Variants in AGMO observed in about 807,000 individuals in gnomAD.
AGMO encodes alkylglycerol monooxygenase.
In AGMO, 75 loss-of-function variants were observed where a neutral mutation model predicts 60.2. That is an observed-to-expected ratio of 1.25 (90% CI 1.03 to 1.51). The LOEUF is 1.51. Among genes scored for constraint, AGMO ranks in the 40% most tolerant of loss-of-function variants. The pLI, the probability that AGMO is intolerant of heterozygous loss-of-function variation, is 0.00. For missense variants in AGMO, 763 were observed against 525.5 expected (o/e 1.45, Z -4.42); for synonymous variants, 261 against 177.1 (o/e 1.47, Z -3.76).
intron 2 of AGMO, 38 bp from the exon 3 acceptor site, chr7:15,544,961 T>C (rs747410120): frequency 1.4e-6 from 2 of 1,385,476 alleles, no homozygotes. Flanking sequence ...TTATATAACA[T>C]TTTAGAAAAA....
chr7:15,314,795 A>T (rs1780867622), intron 12 of AGMO, among the ~76,000 whole-genome samples: 1 of 152,112 alleles, frequency 6.6e-6, no homozygotes, highest in South Asian at 2.1e-4. Context: ...GATCATCCTA[A>T]ATTATCTAGG....
chr7:15,285,513 CAAG>C (rs1784076686), intron 12 of AGMO, among the ~76,000 whole-genome samples: 1 of 151,882 alleles, frequency 6.6e-6, no homozygotes, highest in South Asian at 2.1e-4. Context: ...TATACTTAAA[CAAG>C]GAGGTGAAAG....
intron 10 of AGMO, among the ~76,000 whole-genome samples, chr7:15,381,706 A>G (rs527564173): frequency 6.6e-6 from 1 of 152,326 alleles, no homozygotes; most frequent in South Asian, 2.1e-4. Flanking sequence ...ATTCTTTTAT[A>G]AAGTTAAATG....
chr7:15,458,062 T>G (rs1442704968), intron 3 of AGMO, among the ~76,000 whole-genome samples: 1 of 152,192 alleles, frequency 6.6e-6, no homozygotes, highest in Admixed American at 6.5e-5. Context: ...CATCACTTGA[T>G]TTACCAAAGT....
chr7:15,370,444 C>G (rs922349954), intron 10 of AGMO, among the ~76,000 whole-genome samples: 1 of 152,118 alleles, frequency 6.6e-6, no homozygotes, highest in East Asian at 1.9e-4. Context: ...AATGGTAGTT[C>G]TAAGTTCTTT....
chr7:15,160,963 A>G, the AGMO span, among the ~76,000 whole-genome samples: 1 of 152,122 alleles, frequency 6.6e-6, no homozygotes, highest in Non-Finnish European at 1.5e-5. Flanking sequence ...ACATCATCTC[A>G]TGGATGAAGG....
At position 15,342,795 on chromosome 7, in the gene AGMO, A is replaced by AC. The variant is rs1288905763; in HGVS notation, c.1263+22718_1263+22719insG. On this transcript the variant is annotated intron_variant, in intron 12 of 12. Transcript: ENST00000342526. ...GTATAGCTGCAAAAAAAAAAAAAAA[A>AC]AAAAAAAAAATTGATCTGAATTCTA... Among the ~76,000 whole-genome samples, 1,241 of 149,516 alleles carry AC rather than the reference A, an allele frequency of 8.3e-3. 81 individuals carry two copies. The highest frequency in any genetic ancestry group is 0.03 in the African/African-American group (1,192 of 40,206).
chr7:15,413,045 T>C (rs982186944), intron 5 of AGMO, among the ~76,000 whole-genome samples: 1 of 152,150 alleles, frequency 6.6e-6, no homozygotes. Context: ...GAACCAGATA[T>C]TGGAATTAGC....
chr7:15,194,772 C>T, the AGMO span, among the ~76,000 whole-genome samples: 1 of 152,242 alleles, frequency 6.6e-6, no homozygotes, highest in South Asian at 2.1e-4. Flanking sequence ...CAGCCTATTA[C>T]GTAGGCCAAG....
At chr7:15,118,148 C>T in the AGMO span, among the ~76,000 whole-genome samples, 2 of 142,460 alleles carry the variant, frequency 1.4e-5, no homozygotes, top group East Asian at 2.0e-4. Flanking sequence ...TTAAATTGGC[C>T]GGAATTTAAA....
At chr7:15,430,613 A>AAC (rs1554271285) in intron 4 of AGMO, among the ~76,000 whole-genome samples, 2 of 143,498 alleles carry the variant, frequency 1.4e-5, no homozygotes, top group African/African-American at 2.6e-5. Context: ...TAAAAAAAAA[A>AAC]AACAACTGGT....
In AGMO at chr7:15,390,928, T is replaced by C. The variant is rs748273591; in HGVS notation, c.677-23A>G. On this transcript the variant is annotated intron_variant, in intron 6 of 12. Coordinates refer to ENST00000342526, the MANE Select transcript of AGMO (RefSeq NM_001004320.2). ...TGCCTATGAGACAAAATATTAGAAA[T>C]TTTTTTTCAGAAAAATAGTTATGCT... is the stretch of plus-strand genomic sequence containing the variant. The C allele has an allele frequency of 6.8e-6, 10 of 1,476,992 alleles. No homozygotes were observed. In the East Asian group the frequency reaches 2.3e-4, roughly 34 times the overall value. The allele number at this position is 1,476,992 out of a possible 1,614,324, so 91.5% of individuals were successfully genotyped here.
chr7:15,339,884 T>A (rs1781784862), intron 12 of AGMO, among the ~76,000 whole-genome samples: 1 of 152,214 alleles, frequency 6.6e-6, no homozygotes, highest in African/African-American at 2.4e-5. Flanking sequence ...CAGAAATTGC[T>A]ATGTTCATTA....
the AGMO span, among the ~76,000 whole-genome samples, chr7:15,193,360 T>A: frequency 6.6e-6 from 1 of 152,218 alleles, no homozygotes; most frequent in Non-Finnish European, 1.5e-5. Flanking sequence ...ACAAAATTTA[T>A]CAAGTAATTT....
At chr7:15,210,191 G>A (rs541021038) in intron 12 of AGMO, among the ~76,000 whole-genome samples, 1 of 152,080 alleles carries the variant, frequency 6.6e-6, no homozygotes, top group Non-Finnish European at 1.5e-5. Flanking sequence ...ATTAAAGTGT[G>A]CACTTAATTT....
intron 3 of AGMO, among the ~76,000 whole-genome samples, chr7:15,520,372 T>C (rs940544836): frequency 1.3e-5 from 2 of 152,114 alleles, no homozygotes; most frequent in Admixed American, 6.6e-5. Context: ...CAGAACTCTC[T>C]ACCCCAAACC....
chr7:15,376,256 T>TA (rs1260413651), intron 10 of AGMO, among the ~76,000 whole-genome samples: 1 of 151,954 alleles, frequency 6.6e-6, no homozygotes, highest in African/African-American at 2.4e-5. Context: ...CCCAAGGGGA[T>TA]AGACTAGAGA....
chr7:15,176,090 A>G, the AGMO span, among the ~76,000 whole-genome samples: 8 of 152,156 alleles, frequency 5.3e-5, no homozygotes, highest in African/African-American at 4.8e-5. Context: ...TAAAATTGCT[A>G]TCATTACACT....
At chr7:15,411,367 G>A (rs1780599507) in intron 5 of AGMO, among the ~76,000 whole-genome samples, 1 of 151,936 alleles carries the variant, frequency 6.6e-6, no homozygotes, top group African/African-American at 2.4e-5. Flanking sequence ...GGAAACTGAA[G>A]CACAAGAAGG....
Sources: allele counts gnomAD v4.1 joint callset (sites outside exome capture counted in the v4.1 genomes callset), GRCh38; gene constraint gnomAD v4.1.1; transcripts MANE v1.5; gene names NCBI Gene and HGNC (gene_info 2026-07-23, HGNC 2026-07-21).